Variants in SPIDR observed in about 807,000 individuals in gnomAD.
The protein encoded by SPIDR is DNA repair-scaffolding protein.
In SPIDR, 93 loss-of-function variants were observed where a neutral mutation model predicts 104.6. The observed-to-expected ratio is 0.89, with a 90% CI of 0.75 to 1.06. The LOEUF is 1.06. SPIDR is among the 50% of genes least tolerant of loss of function. The probability of loss-of-function intolerance (pLI) is 0.00; values close to 1 mark genes in which losing one functional copy is unlikely to be tolerated. For synonymous variants in SPIDR, 431 were observed against 416.9 expected (o/e 1.03, Z -0.41); for missense variants, 1,154 against 1,111.2 (o/e 1.04, Z -0.55).
At chr8:47,359,071 C>T (rs1554627997) in intron 5 of SPIDR, among the ~76,000 whole-genome samples, 1 of 151,860 alleles carries the variant, frequency 6.6e-6, no homozygotes, top group African/African-American at 2.4e-5. Context: ...CTGATTCCCT[C>T]CCACCAGTTA....
intron 10 of SPIDR, 183 bp from the exon 11 acceptor site, chr8:47,673,618 T>G (rs2076060278): frequency 2.7e-6 from 2 of 749,214 alleles, no homozygotes; most frequent in South Asian, 1.6e-5. Context: ...CTCACCCATT[T>G]AGGAAGATGA....
chr8:47,398,061 C>T (rs879964211), intron 6 of SPIDR, among the ~76,000 whole-genome samples: 1 of 152,102 alleles, frequency 6.6e-6, no homozygotes, highest in Non-Finnish European at 1.5e-5. Flanking sequence ...CACCACGAGA[C>T]AGGAGGCCTT....
intron 5 of SPIDR, among the ~76,000 whole-genome samples, chr8:47,376,796 A>T (rs534376127): frequency 5.3e-4 from 81 of 152,012 alleles, no homozygotes; most frequent in Middle Eastern, 3.4e-3. Context: ...AAAAAAAAAA[A>T]TTTTTTTTAA....
At chr8:47,360,594 G>A (rs2055661451) in intron 5 of SPIDR, among the ~76,000 whole-genome samples, 1 of 152,182 alleles carries the variant, frequency 6.6e-6, no homozygotes, top group Admixed American at 6.5e-5. Flanking sequence ...CACCGGGGCT[G>A]TTGGTAAACT....
At chr8:47,623,895 A>G (rs1372902892) in intron 10 of SPIDR, among the ~76,000 whole-genome samples, 1 of 152,212 alleles carries the variant, frequency 6.6e-6, no homozygotes, top group South Asian at 2.1e-4. Context: ...ACTAATAGAC[A>G]TCTACAGAAC....
At chr8:47,581,047 C>G (rs2059646256) in intron 8 of SPIDR, among the ~76,000 whole-genome samples, 1 of 152,148 alleles carries the variant, frequency 6.6e-6, no homozygotes, top group Admixed American at 6.5e-5. Context: ...TTTCCAGGCA[C>G]TGGTGAGCCA....
At position 47,310,005 on chromosome 8, in the gene SPIDR, C is replaced by G. The variant is rs908406353; in HGVS notation, c.525+15975C>G. ...TGTGAGCCGGGATTGCACCACTGCA[C>G]TCCAGCCTGGGCGACAGACTCTGTC... On this transcript the variant is annotated intron_variant, in intron 5 of 19. Transcript: ENST00000297423. Among the ~76,000 whole-genome samples, 4 of 150,244 alleles carry G rather than the reference C, an allele frequency of 2.7e-5. No homozygotes were observed. In the Admixed American group the frequency reaches 2.7e-4, roughly 10 times the overall value.
At chr8:47,556,497 AC>A (rs1248705016) in intron 8 of SPIDR, among the ~76,000 whole-genome samples, 1 of 152,224 alleles carries the variant, frequency 6.6e-6, no homozygotes, top group Non-Finnish European at 1.5e-5. Context: ...TAATGCCTAA[AC>A]TACATGTTGT....
chr8:47,381,738 C>T (rs190733816), intron 5 of SPIDR, among the ~76,000 whole-genome samples: 9 of 152,358 alleles, frequency 5.9e-5, no homozygotes, highest in African/African-American at 2.2e-4. Flanking sequence ...TCAGCTGGAC[C>T]TGCCCCACGT....
intron 8 of SPIDR, among the ~76,000 whole-genome samples, chr8:47,558,830 CAG>C (rs899352270): frequency 2.0e-5 from 3 of 152,084 alleles, no homozygotes; most frequent in African/African-American, 7.2e-5. Flanking sequence ...TTAGTAGAGA[CAG>C]GGTTTCACTG....
At chr8:47,448,710 GAGAT>G (rs782599837) in intron 8 of SPIDR, among the ~76,000 whole-genome samples, 3 of 152,000 alleles carry the variant, frequency 2.0e-5, no homozygotes, top group Non-Finnish European at 4.4e-5. Flanking sequence ...TACAGACCGA[GAGAT>G]AGGGTGTCAG....
chr8:47,416,786 C>A (rs934398978), intron 7 of SPIDR, among the ~76,000 whole-genome samples: 1 of 152,052 alleles, frequency 6.6e-6, no homozygotes, highest in African/African-American at 2.4e-5. Context: ...CCCACCCCAC[C>A]CACAACAGGC....
chr8:47,444,057 C>G (rs782134681), intron 8 of SPIDR, among the ~76,000 whole-genome samples: 3 of 152,138 alleles, frequency 2.0e-5, no homozygotes, highest in Non-Finnish European at 4.4e-5. Context: ...TATATAATTT[C>G]AGACATGTAA....
intron 16 of SPIDR, among the ~76,000 whole-genome samples, chr8:47,721,246 G>A (rs536802071): frequency 2.4e-4 from 37 of 152,104 alleles, no homozygotes; most frequent in Non-Finnish European, 4.6e-4. Context: ...TTAAGTCTAT[G>A]ATCCATTTTG....
chr8:47,289,506 C>G (rs1165384729), intron 3 of SPIDR, among the ~76,000 whole-genome samples: 2 of 151,948 alleles, frequency 1.3e-5, no homozygotes, highest in African/African-American at 4.8e-5. Flanking sequence ...TGACCAATAT[C>G]AGAAAAGTTT....
chr8:47,515,012 TTCTTTA>T (rs1387201709), intron 8 of SPIDR, among the ~76,000 whole-genome samples: 1 of 152,202 alleles, frequency 6.6e-6, no homozygotes, highest in Non-Finnish European at 1.5e-5. Context: ...ATTTCCTGTT[TTCTTTA>T]AAGTTCAGCA....
chr8:47,408,909 C>T (rs932266287), intron 7 of SPIDR, among the ~76,000 whole-genome samples: 2 of 152,078 alleles, frequency 1.3e-5, no homozygotes, highest in African/African-American at 4.8e-5. Context: ...AATTCGGGAC[C>T]GGGCATGATG....
At chr8:47,337,771 A>G (rs2050044979) in intron 5 of SPIDR, among the ~76,000 whole-genome samples, 1 of 152,142 alleles carries the variant, frequency 6.6e-6, no homozygotes, top group East Asian at 1.9e-4. Context: ...TGTGTTAGGT[A>G]GGTGTCCAGA....
intron 8 of SPIDR, among the ~76,000 whole-genome samples, chr8:47,576,711 G>A (rs986557407): frequency 2.6e-5 from 4 of 152,244 alleles, no homozygotes; most frequent in African/African-American, 9.6e-5. Flanking sequence ...TGGGATTACA[G>A]GCATGAGCCA....
Sources: gnomAD v4.1 joint callset for allele counts (sites outside exome capture counted in the v4.1 genomes callset) on GRCh38, gnomAD v4.1.1 for gene constraint, MANE v1.5 for transcripts, NCBI Gene and HGNC (gene_info 2026-07-23, HGNC 2026-07-21) for gene names.